USP10: variants seen among roughly 807,000 people sequenced by gnomAD.
USP10 encodes ubiquitin specific peptidase 10.
USP10 carries 22 observed loss-of-function variants against 84.5 expected under a neutral mutation model. That is an observed-to-expected ratio of 0.26 (90% CI 0.19 to 0.37). The LOEUF (loss-of-function observed/expected upper bound fraction) is 0.37. Among genes scored for constraint, USP10 ranks in the 10% least tolerant of loss-of-function variants. The pLI is 1.00. For missense variants in USP10, 1,019 were observed against 998.9 expected, an observed-to-expected ratio of 1.02 and a Z score of -0.27; for synonymous variants, 454 against 387.6, an observed-to-expected ratio of 1.17 and a Z score of -2.01.
rs1428679659 is a variant in USP10 at position 84,768,288 on chromosome 16, T to G, written c.1928T>G (p.Val643Gly). Residue 643 changes from valine to glycine, a missense_variant, in exon 11 of 14, where the codon GTC becomes GGC. Transcript: ENST00000219473. ...ATCCAGTCAGACAAGATACGCACAG[T>G]CCAGGATGCACTGGAGAGCTTGGTG... ...LDIQSDKIRT[V>G]QDALESLVAR... 1 of 1,609,210 alleles carries G rather than the reference T, an allele frequency of 6.2e-7. No individual in the cohort carries two copies. Among genetic ancestry groups the G allele is most frequent in the Admixed American group, 1.7e-5 (1 of 59,334 alleles).
chr16:84,774,494 T>TG (rs1289571355), intron 12 of USP10, among the ~76,000 whole-genome samples: 23 of 11,622 alleles, frequency 2.0e-3, no homozygotes, highest in Middle Eastern at 0.025. Context: ...TTTGTTTGTT[T>TG]TTTTCTTGCT....
At position 84,720,764 on chromosome 16, in the gene USP10, A is replaced by C. The variant is rs535821085; in HGVS notation, c.22-12671A>C. Among the ~76,000 whole-genome samples, 4 of 149,168 alleles carry C rather than the reference A, an allele frequency of 2.7e-5. No individual in the cohort carries two copies. The East Asian group carries it at 6.0e-4, about 22-fold the overall frequency. ...ACCCAGCTAATTTTTTGTATTTTTT[A>C]ATAGAGACGGGGTTTCACCGTATTA... On this transcript the variant is annotated intron_variant, in intron 1 of 13. Transcript: ENST00000219473.
intron 1 of USP10, among the ~76,000 whole-genome samples, chr16:84,717,185 C>T (rs1482635581): frequency 6.6e-5 from 10 of 152,068 alleles, no homozygotes; most frequent in African/African-American, 1.9e-4. Flanking sequence ...TATTGGGCTT[C>T]GGGAGCTTCA....
chr16:84,705,285 G>A (rs1905329506), intron 1 of USP10, among the ~76,000 whole-genome samples: 1 of 151,066 alleles, frequency 6.6e-6, no homozygotes, highest in Admixed American at 6.6e-5. Flanking sequence ...AGGCTGGAGT[G>A]CATTGGCGGT....
At chr16:84,714,464 G>C (rs572164092) in intron 1 of USP10, among the ~76,000 whole-genome samples, 6 of 151,756 alleles carry the variant, frequency 4.0e-5, no homozygotes, top group South Asian at 2.1e-4. Flanking sequence ...GGCTACAGAC[G>C]TGCGCCACCG....
rs375328756 is a variant in USP10 at position 84,706,382 on chromosome 16, A to G, written c.21+6271A>G. Among the ~76,000 whole-genome samples, 13 of 151,936 alleles carry G rather than the reference A, an allele frequency of 8.6e-5. No individual in the cohort carries two copies. The South Asian group carries it at 1.2e-3, about 15-fold the overall frequency. ...TAGAGCAGTTTTAGGTTCACAGCAA[A>G]ATTGAGAGAAAAGTACAAAGAGTTC... On this transcript the variant is annotated intron_variant, in intron 1 of 13. Transcript: ENST00000219473.
At chr16:84,734,396 C>G (rs1909629729) in intron 2 of USP10, among the ~76,000 whole-genome samples, 6 of 152,192 alleles carry the variant, frequency 3.9e-5, no homozygotes, top group Admixed American at 3.9e-4. Flanking sequence ...CTATTTCATT[C>G]TCTTCACGTC....
intron 4 of USP10, among the ~76,000 whole-genome samples, chr16:84,752,548 G>T (rs1435258837): frequency 1.3e-5 from 2 of 152,238 alleles, no homozygotes; most frequent in Non-Finnish European, 2.9e-5. Context: ...AAATGAAAAT[G>T]TTGATGTTGA....
At chr16:84,725,923 C>T (rs1253420248) in intron 1 of USP10, among the ~76,000 whole-genome samples, 15 of 152,212 alleles carry the variant, frequency 9.9e-5, no homozygotes, top group Admixed American at 9.8e-4. Context: ...CTTTATACTT[C>T]TCAGCTTCTT....
intron 1 of USP10, among the ~76,000 whole-genome samples, chr16:84,712,299 C>T (rs189705815): frequency 2.0e-4 from 31 of 152,284 alleles, no homozygotes; most frequent in African/African-American, 5.8e-4. Flanking sequence ...CATGGCTCTG[C>T]CTGGGGAGAC....
intron 1 of USP10, among the ~76,000 whole-genome samples, chr16:84,728,519 TA>T (rs1161070691): frequency 6.6e-6 from 1 of 152,104 alleles, no homozygotes; most frequent in Non-Finnish European, 1.5e-5. Context: ...TTTGTATTTT[TA>T]ATAGAGACGG....
chr16:84,724,195 C>T (rs1908165563), intron 1 of USP10, among the ~76,000 whole-genome samples: 8 of 152,110 alleles, frequency 5.3e-5, no homozygotes. Context: ...AATTTAATGG[C>T]CATTTTGTAA....
chr16:84,718,215 T>TGAGAGATGA (rs1907306950), intron 1 of USP10, among the ~76,000 whole-genome samples: 1 of 152,176 alleles, frequency 6.6e-6, no homozygotes, highest in Non-Finnish European at 1.5e-5. Flanking sequence ...ACAAAAGAAA[T>TGAGAGATGA]GTCTTTTGTT....
At chr16:84,728,320 T>G (rs1908773668) in intron 1 of USP10, among the ~76,000 whole-genome samples, 1 of 151,926 alleles carries the variant, frequency 6.6e-6, no homozygotes. Flanking sequence ...ATTGAATAAA[T>G]AATTGAAATA....
intron 3 of USP10, among the ~76,000 whole-genome samples, chr16:84,741,097 T>G (rs1910569610): frequency 6.6e-6 from 1 of 152,212 alleles, no homozygotes; most frequent in Non-Finnish European, 1.5e-5. Flanking sequence ...TCTTTGAGAG[T>G]TAGAGGTTTG....
At chr16:84,749,580 A>AAG (rs113443692) in intron 4 of USP10, among the ~76,000 whole-genome samples, 147 of 152,194 alleles carry the variant, frequency 9.7e-4, no homozygotes, top group Middle Eastern at 3.4e-3. Context: ...TCTTTAAAAA[A>AAG]AAAAAAAATT....
chr16:84,703,904 T>C (rs976717261), intron 1 of USP10, among the ~76,000 whole-genome samples: 1 of 152,222 alleles, frequency 6.6e-6, no homozygotes, highest in Non-Finnish European at 1.5e-5. Flanking sequence ...GCCTACCACA[T>C]TCTAAATTCC....
chr16:84,734,896 C>T (rs1023714444), intron 2 of USP10, among the ~76,000 whole-genome samples: 4 of 151,718 alleles, frequency 2.6e-5, no homozygotes, highest in East Asian at 2.1e-4. Flanking sequence ...ATTGGGAACT[C>T]GGCCCTTAGC....
chr16:84,754,511 G>T (rs922329003), intron 4 of USP10, among the ~76,000 whole-genome samples: 1 of 152,178 alleles, frequency 6.6e-6, no homozygotes, highest in Non-Finnish European at 1.5e-5. Flanking sequence ...TGTTGCAGAG[G>T]TTGTGCTCGT....
Sources: gnomAD v4.1 joint callset for allele counts (sites outside exome capture counted in the v4.1 genomes callset) on GRCh38, gnomAD v4.1.1 for gene constraint, MANE v1.5 for transcripts, NCBI Gene and HGNC (gene_info 2026-07-23, HGNC 2026-07-21) for gene names.